Variants in ABCB4 observed in about 807,000 individuals in gnomAD.
ABCB4 encodes the protein ATP binding cassette subfamily B member 4.
Under a neutral mutation model 145.7 loss-of-function variants are expected in ABCB4, and 76 were observed. The observed-to-expected ratio is 0.52, with a 90% confidence interval of 0.43 to 0.63. ABCB4 has a LOEUF of 0.63. Among genes scored for constraint, ABCB4 ranks in the 30% least tolerant of loss-of-function variants. The pLI, the probability that ABCB4 is intolerant of heterozygous loss-of-function variation, is 0.00. For missense variants in ABCB4, 1,234 were observed against 1,553.1 expected (o/e 0.79, Z 3.45); for synonymous variants, 517 against 566.8 (o/e 0.91, Z 1.25).
chr7:87,397,512 T>G (rs765818146), downstream of ABCB4, among the ~76,000 whole-genome samples: 19 of 152,196 alleles, frequency 1.2e-4, no homozygotes, highest in Non-Finnish European at 2.1e-4. Context: ...ATAACTGAAA[T>G]TTTTTTAAAA....
At chr7:87,446,126 C>T (rs1030718977) in intron 9 of ABCB4, among the ~76,000 whole-genome samples, 1 of 152,132 alleles carries the variant, frequency 6.6e-6, no homozygotes, top group Non-Finnish European at 1.5e-5. Context: ...CTCACCAAGT[C>T]GAACACCCAC....
rs868372419 is a variant in ABCB4 at position 87,424,036 on chromosome 7, G to A, written c.2081C>T (p.Pro694Leu). The A allele has an allele frequency of 1.2e-6, 2 of 1,613,946 alleles. No individual in the cohort carries two copies. The highest frequency in any genetic ancestry group is 1.7e-5 in the Admixed American group (1 of 59,988). Reference protein sequence around the residue: ...ETDGLEANVPPVSFLKVLKLN... With the variant: ...ETDGLEANVPLVSFLKVLKLN... ...TTTCAGGACCTTCAGAAAGGACACT[G>A]GTGGCACATTTGCTTCCTAGAACAT... Residue 694 changes from proline to leucine, a missense_variant, in exon 17 of 28, where the codon CCA becomes CTA. Around this residue, in one of 7 missense-constraint regions of ABCB4, gnomAD observed 321 missense variants for 332.6 expected, o/e 0.97. Transcript: ENST00000649586.
At chr7:87,426,682 C>T (rs1809834715) in intron 16 of ABCB4, 68 bp downstream of exon 16, 1 of 1,516,780 alleles carries the variant, frequency 6.6e-7, no homozygotes, top group Admixed American at 1.7e-5. Flanking sequence ...ATTTGCAAGG[C>T]TAAGAATTTC....
chr7:87,440,050 A>C, intron 13 of ABCB4, 149 bp downstream of exon 13: 1 of 1,115,434 alleles, frequency 9.0e-7, no homozygotes, highest in Non-Finnish European at 1.3e-6. Context: ...TAATCCTTTA[A>C]CCCCTAACTG....
chr7:87,470,397 T>C (rs1813279270), intron 3 of ABCB4, among the ~76,000 whole-genome samples: 1 of 152,190 alleles, frequency 6.6e-6, no homozygotes, highest in Non-Finnish European at 1.5e-5. Context: ...AAAGAGCTTC[T>C]GCACAGCAAA....
intron 22 of ABCB4, 125 bp downstream of exon 22, chr7:87,413,492 G>T: frequency 1.4e-6 from 1 of 695,306 alleles, no homozygotes; most frequent in Non-Finnish European, 2.5e-6. Flanking sequence ...CAGAATTGTT[G>T]AAAAAAGGCC....
chr7:87,406,599 C>T, intron 25 of ABCB4, 105 bp from the exon 26 acceptor site: 1 of 1,253,268 alleles, frequency 8.0e-7, no homozygotes, highest in Non-Finnish European at 1.1e-6. Context: ...AGGGTGTCAG[C>T]AGCTTCAAAA....
intron 23 of ABCB4, among the ~76,000 whole-genome samples, chr7:87,410,820 G>A (rs1243062793): frequency 6.6e-6 from 1 of 152,204 alleles, no homozygotes; most frequent in East Asian, 1.9e-4. Flanking sequence ...GGCTGGAAGG[G>A]AGTGAGGCCA....
chr7:87,376,632 GA>G, the ABCB4 span, among the ~76,000 whole-genome samples: 72 of 149,718 alleles, frequency 4.8e-4, no homozygotes, highest in Non-Finnish European at 8.1e-4. Flanking sequence ...CAAGGAGAGA[GA>G]TTTTTTTTTT....
chr7:87,405,924 C>T (rs1808152253), intron 26 of ABCB4: 1 of 335,336 alleles, frequency 3.0e-6, no homozygotes, highest in Non-Finnish European at 5.7e-6. Flanking sequence ...GTAAAGGGTA[C>T]ATAAGATCTC....
rs1558376 is a variant in ABCB4 at position 87,449,787 on chromosome 7, T to A, written c.833+181A>T. Among the ~76,000 whole-genome samples, 40,337 of 152,014 alleles carry A rather than the reference T, an allele frequency of 0.27. 6,514 individuals are homozygous for A. Among genetic ancestry groups the A allele is most frequent in the African/African-American group, 0.46 (19,087 of 41,434 alleles). ...GCCAAAAGAGTCCATGGAACATAAA[T>A]GATTAAGAATCTTGCTTTAGAGTCT... is the stretch of plus-strand genomic sequence containing the variant. On this transcript the variant is annotated intron_variant, in intron 8 of 27. Transcript: ENST00000649586.
downstream of ABCB4, chr7:87,398,699 G>A: frequency 6.5e-7 from 1 of 1,547,700 alleles, no homozygotes. Context: ...TGAGTGCTGG[G>A]AGTGAGTTGG....
chr7:87,450,271 ATCT>A (rs1335283322), intron 7 of ABCB4, among the ~76,000 whole-genome samples, 179 bp from the exon 8 acceptor site: 2 of 152,166 alleles, frequency 1.3e-5, no homozygotes, highest in African/African-American at 4.8e-5. Context: ...CAAAGGCTAT[ATCT>A]GACCCACCCT....
chr7:87,448,684 AG>A (rs1350539213), intron 8 of ABCB4: 4 of 152,338 alleles, frequency 2.6e-5, no homozygotes, highest in Admixed American at 1.3e-4. Flanking sequence ...GGTCCAACTG[AG>A]GGTTAGTGTG....
chr7:87,439,404 C>T (rs1291112054), intron 14 of ABCB4, among the ~76,000 whole-genome samples: 1 of 151,910 alleles, frequency 6.6e-6, no homozygotes, highest in Non-Finnish European at 1.5e-5. Context: ...TTGCAATAGC[C>T]CATGTGCAAG....
intron 4 of ABCB4, among the ~76,000 whole-genome samples, chr7:87,461,069 CAG>C (rs1812427370): frequency 6.6e-6 from 1 of 152,092 alleles, no homozygotes; most frequent in African/African-American, 2.4e-5. Flanking sequence ...CCTCAGCCTC[CAG>C]AGTAGCTGGG....
intron 4 of ABCB4, among the ~76,000 whole-genome samples, chr7:87,459,281 C>T (rs1289191851): frequency 2.0e-5 from 3 of 152,090 alleles, no homozygotes; most frequent in Admixed American, 1.3e-4. Context: ...AATTCTATAC[C>T]CATTAAACAA....
At chr7:87,383,688 G>A in the ABCB4 span, among the ~76,000 whole-genome samples, 55 of 151,878 alleles carry the variant, frequency 3.6e-4, no homozygotes, top group Non-Finnish European at 5.9e-4. Context: ...GTAGAGATGG[G>A]GTTTCGTCGT....
chr7:87,398,142 A>G (rs138671070), downstream of ABCB4, among the ~76,000 whole-genome samples: 334 of 152,154 alleles, frequency 2.2e-3, 3 homozygotes, highest in African/African-American at 7.5e-3. Context: ...TACTCTTTAA[A>G]AACAGTTTAA....
Sources: gnomAD v4.1 joint callset for allele counts (sites outside exome capture counted in the v4.1 genomes callset) on GRCh38, gnomAD v4.1.1 for gene constraint, gnomAD v4.1.1 regional missense constraint, MANE v1.5 for transcripts, NCBI Gene and HGNC (gene_info 2026-07-23, HGNC 2026-07-21) for gene names.